Variants in APH1A observed in about 807,000 individuals in gnomAD.
APH1A encodes gamma-secretase subunit APH-1A.
In APH1A, 16 loss-of-function variants were observed where a neutral mutation model predicts 30.3. The observed-to-expected ratio is 0.53, with a 90% confidence interval of 0.36 to 0.80. APH1A has a LOEUF of 0.80. APH1A is among the 30% of genes least tolerant of loss of function. The pLI, the probability that APH1A is intolerant of heterozygous loss-of-function variation, is 0.01. For synonymous variants in APH1A, 144 were observed against 140.1 expected, an observed-to-expected ratio of 1.03 and a Z score of -0.20; for missense variants, 245 against 337.8, an observed-to-expected ratio of 0.73 and a Z score of 2.15.
At chr1:150,266,380 G>A in intron 6 of APH1A, 153 bp downstream of exon 6, 1 of 1,496,234 alleles carries the variant, frequency 6.7e-7, no homozygotes, top group African/African-American at 1.4e-5. Context: ...GTCACAAAAG[G>A]ACAAAGCAAA....
At position 150,267,434 on chromosome 1, in the gene APH1A, T is replaced by C; in HGVS notation, c.403A>G (p.Ile135Val). ...CCAAGTGCATCAGCCAAAATATTGA[T>C]AACAGAGAAGACACCACTGATGATA... ...FGIISGVFSV[I>V]NILADALGPG... is the part of the protein sequence containing the mutation. The change falls in exon 4 of 7, where the codon ATC (isoleucine) becomes GTC (valine). Residue 135 changes from isoleucine to valine, a missense_variant. Coordinates refer to ENST00000369109, the MANE Select transcript of APH1A (RefSeq NM_001077628.3). 1 of 1,614,060 alleles carries C rather than the reference T, an allele frequency of 6.2e-7. No homozygotes were observed. The highest frequency in any genetic ancestry group is 8.5e-7 in the Non-Finnish European group (1 of 1,180,014).
At chr1:150,266,690 G>C (rs200581677) in intron 5 of APH1A, 34 bp from the exon 6 acceptor site, 1 of 1,610,216 alleles carries the variant, frequency 6.2e-7, no homozygotes, top group Non-Finnish European at 8.5e-7. Context: ...AAAGAGATTA[G>C]ATTCTCCCTC....
Position 150,266,075 on chromosome 1 carries a change from C to T in APH1A, c.*55G>A. 6.5e-7 allele frequency: 1 copy of T among 1,545,286 alleles called. No individual in the cohort carries two copies. The highest frequency in any genetic ancestry group is 1.4e-5 in the African/African-American group (1 of 73,148). The stretch of plus-strand genomic sequence containing the variant: ...GTCCAGAACTGGAGATGGAGAAATA[C>T]AGGGCGAGGACATCAGGAGGGCACC... On this transcript the variant is annotated 3_prime_UTR_variant, in exon 7 of 7. Transcript: ENST00000369109.
Position 150,265,846 on chromosome 1 carries a change from C to A in APH1A, c.*284G>T, listed in dbSNP as rs782398924. The A allele has an allele frequency of 2.6e-6, 1 of 381,434 alleles. No homozygotes were observed. The highest frequency in any genetic ancestry group is 4.8e-6 in the Non-Finnish European group (1 of 209,456). 23.6% of individuals were successfully genotyped at this position (381,434 alleles called of 1,614,324 possible). A position where few individuals can be genotyped will look rare whatever the true frequency, so the allele number is the denominator to read the frequency against. ...AAGAGTTCCAATATACCTCCTCCCT[C>A]CCCCCACCTCAAAAAAGAAAAAAAG... On this transcript the variant is annotated 3_prime_UTR_variant, in exon 7 of 7. Coordinates refer to ENST00000369109, the MANE Select transcript of APH1A (RefSeq NM_001077628.3).
In APH1A at chr1:150,268,831, G is replaced by C. The variant is rs782262295; in HGVS notation, c.-21C>G. 1 of 1,601,290 alleles carries C rather than the reference G, an allele frequency of 6.2e-7. No homozygotes were observed. Among genetic ancestry groups the C allele is most frequent in the South Asian group, 1.1e-5 (1 of 89,584 alleles). The stretch of plus-strand genomic sequence containing the variant: ...CCCATGGCTGGTCAGGTGGGAAGGG[G>C]GGTGGGGGCCTGACCAGGACAGGCA... On this transcript the variant is annotated 5_prime_UTR_variant, in exon 1 of 7. Coordinates refer to ENST00000369109, the MANE Select transcript of APH1A (RefSeq NM_001077628.3).
In APH1A at chr1:150,267,359, A is replaced by C; in HGVS notation, c.478T>G (p.Ser160Ala). Residue 160 changes from serine (S) to alanine (A), a missense_variant, in exon 4 of 7, where the codon TCA becomes GCA. Ser to Ala is a moderately conservative substitution (Grantham distance 99, BLOSUM62 1). Transcript: ENST00000369109. ...CTAGATAGAAGGTGGATCTTACCTG[A>C]AGTCAGGAAGTAATAGGGTGAGTCT... ...HGDSPYYFLT[S>A]AFLTAAIILL... The C allele has an allele frequency of 6.2e-7, 1 of 1,614,144 alleles. No homozygotes were observed. Among genetic ancestry groups the C allele is most frequent in the Non-Finnish European group, 8.5e-7 (1 of 1,180,022 alleles).
chr1:150,267,239 A>G, intron 4 of APH1A, 37 bp from the exon 5 acceptor site: 2 of 1,613,778 alleles, frequency 1.2e-6, no homozygotes, highest in Non-Finnish European at 1.7e-6. Context: ...TACATCCCTG[A>G]TCTTCTCCCA....
In APH1A at chr1:150,268,804, C is replaced by T. The variant is rs1553850529; in HGVS notation, c.7G>A (p.Ala3Thr). The T allele has an allele frequency of 1.2e-6, 2 of 1,612,944 alleles. No homozygotes were observed. The highest frequency in any genetic ancestry group is 1.7e-6 in the Non-Finnish European group (2 of 1,179,542). ...AAAGTGCAGCCGAAAAACACCGCAGCCCCCATGGCTGGTCAGGTGGGAAGG... is the reference window on the plus strand; with the variant it reads ...AAAGTGCAGCCGAAAAACACCGCAGTCCCCATGGCTGGTCAGGTGGGAAGG... MGAAVFFGCTFVA... is the reference protein window; with the variant it reads MGTAVFFGCTFVA... The change falls in exon 1 of 7, where the codon GCT becomes ACT. Residue 3 changes from alanine to threonine, a missense_variant. Physicochemically the swap from Ala to Thr is moderately conservative, Grantham distance 58 (BLOSUM62 0). Transcript: ENST00000369109.
At chr1:150,267,893 C>T (rs1651873115) in intron 2 of APH1A, 64 bp downstream of exon 2, 2 of 1,612,402 alleles carry the variant, frequency 1.2e-6, no homozygotes, top group Admixed American at 1.7e-5. Flanking sequence ...CACCCAGGGG[C>T]TGCCCCACTT....
chr1:150,267,285 G>C, intron 4 of APH1A, 71 bp downstream of exon 4: 12 of 1,612,774 alleles, frequency 7.4e-6, no homozygotes, highest in Non-Finnish European at 1.0e-5. Flanking sequence ...AGTCTCTCAG[G>C]GAAGGCCAAT....
In APH1A at chr1:150,266,309, A is replaced by T. The variant is rs587671189; in HGVS notation, c.734-115T>A. 20 of 1,498,944 alleles carry T rather than the reference A, an allele frequency of 1.3e-5. No homozygotes were observed. The Admixed American group carries it at 1.8e-4, about 13-fold the overall frequency. The allele number at this position is 1,498,944 out of a possible 1,614,324, so 92.9% of individuals were successfully genotyped here. ...GGTGGTGGGGATAAGTGCAGATTCA[A>T]ACCCACCAGTCACTGACTGGCTGAA... On this transcript the variant is annotated intron_variant, in intron 6 of 6. Transcript: ENST00000369109.
chr1:150,267,843 C>T, intron 2 of APH1A, 54 bp from the exon 3 acceptor site: 3 of 1,612,582 alleles, frequency 1.9e-6, no homozygotes, highest in Non-Finnish European at 2.5e-6. Flanking sequence ...TGCTCCTTTC[C>T]CTCTAATGTC....
rs200707145 is a variant in APH1A, at chr1:150,266,249, C to A, written c.734-55G>T. On this transcript the variant is annotated intron_variant, in intron 6 of 6. Coordinates refer to ENST00000369109, the MANE Select transcript of APH1A (RefSeq NM_001077628.3). The stretch of plus-strand genomic sequence containing the variant: ...GCAGGGTGAGAGCAGAGCACTGACA[C>A]AGGGGGAGTCCTGGACACAACAAGG... 6.4e-6 allele frequency: 10 copies of A among 1,559,302 alleles called. No individual in the cohort carries two copies. In the African/African-American group the frequency reaches 8.1e-5, roughly 13 times the overall value.
At chr1:150,266,701 G>A (rs199865379) in intron 5 of APH1A, 45 bp from the exon 6 acceptor site, 22 of 1,597,444 alleles carry the variant, frequency 1.4e-5, no homozygotes, top group Middle Eastern at 1.7e-4. Context: ...ATTCTCCCTC[G>A]ACCTAATCCC....
At chr1:150,268,650 C>T (rs782497628) in intron 1 of APH1A, 48 bp downstream of exon 1, 13 of 1,556,378 alleles carry the variant, frequency 8.4e-6, no homozygotes, top group Non-Finnish European at 1.1e-5. Flanking sequence ...GCCCCTTCCG[C>T]ACCTCTCTCT....
rs997127201 is a variant in APH1A at position 150,266,415 on chromosome 1, G to A, written c.733+118C>T. 1.9e-5 allele frequency: 30 copies of A among 1,550,554 alleles called. No individual in the cohort carries two copies. Among genetic ancestry groups the A allele is most frequent in the South Asian group, 7.5e-5 (6 of 80,332 alleles). On this transcript the variant is annotated intron_variant, in intron 6 of 6. Transcript: ENST00000369109. ...AACCCTGGAGGTAGTGGGGTAGACCGACGAGAAGGAGACAGAGAATGTGGG... is the reference window on the plus strand; with the variant it reads ...AACCCTGGAGGTAGTGGGGTAGACCAACGAGAAGGAGACAGAGAATGTGGG...
In APH1A at chr1:150,266,165, C is replaced by A; in HGVS notation, c.763G>T (p.Val255Leu). The change falls in exon 7 of 7, where the codon GTG becomes TTG. Residue 255 changes from valine to leucine, a missense_variant. Transcript: ENST00000369109. ...GGTGGGATGCGCAGGGCAGAATACA[C>A]CATCACCCGACTGTCCTCCTGCCGT... is the stretch of plus-strand genomic sequence containing the variant. The part of the protein sequence containing the change: ...CRRQEDSRVM[V>L]YSALRIPPED 2.5e-6 allele frequency: 4 copies of A among 1,604,180 alleles called. No individual in the cohort carries two copies. The South Asian group carries it at 4.5e-5, about 18-fold the overall frequency.
Position 150,266,415 on chromosome 1 carries a change from G to T in APH1A, c.733+118C>A, listed in dbSNP as rs997127201. On this transcript the variant is annotated intron_variant, in intron 6 of 6. Coordinates refer to ENST00000369109, the MANE Select transcript of APH1A (RefSeq NM_001077628.3). ...AACCCTGGAGGTAGTGGGGTAGACC[G>T]ACGAGAAGGAGACAGAGAATGTGGG... 1.4e-5 allele frequency: 21 copies of T among 1,550,554 alleles called. No homozygotes were observed. The Admixed American group carries it at 3.7e-4, about 28-fold the overall frequency.
chr1:150,267,309 G>A (rs1651808348), intron 4 of APH1A, 47 bp downstream of exon 4: 1 of 1,613,474 alleles, frequency 6.2e-7, no homozygotes, highest in Admixed American at 1.7e-5. Context: ...TCAGATCAGG[G>A]ACAAGGATGG....
Sources: allele counts gnomAD v4.1 joint callset, GRCh38; gene constraint gnomAD v4.1.1; transcripts MANE v1.5; gene names NCBI Gene and HGNC (gene_info 2026-07-23, HGNC 2026-07-21).